The following KIF2A variants were observed in gnomAD, a reference collection of about 807,000 sequenced individuals.
The protein encoded by KIF2A is kinesin-like protein KIF2A.
KIF2A carries 22 observed loss-of-function variants against 100.2 expected under a neutral mutation model. The observed-to-expected ratio is 0.22, with a 90% confidence interval of 0.16 to 0.31. The LOEUF is 0.31. KIF2A is among the 10% of genes least tolerant of loss of function. KIF2A has a pLI of 1.00. For synonymous variants in KIF2A, 268 were observed against 285.9 expected, an observed-to-expected ratio of 0.94 and a Z score of 0.63; for missense variants, 495 against 898.7, an observed-to-expected ratio of 0.55 and a Z score of 5.74.
At chr5:62,359,022 G>T (rs1362538739) in intron 9 of KIF2A, among the ~76,000 whole-genome samples, 1 of 152,140 alleles carries the variant, frequency 6.6e-6, no homozygotes, top group Non-Finnish European at 1.5e-5. Flanking sequence ...TCTGTATTTA[G>T]TATGTATTGT....
chr5:62,337,513 TA>T (rs1237256343), intron 1 of KIF2A, among the ~76,000 whole-genome samples: 1 of 151,102 alleles, frequency 6.6e-6, no homozygotes, highest in Non-Finnish European at 1.5e-5. Flanking sequence ...AAGATTAGTA[TA>T]ACCATGATAC....
intron 2 of KIF2A, among the ~76,000 whole-genome samples, chr5:62,347,513 CTG>C (rs1439619653): frequency 3.9e-5 from 6 of 152,096 alleles, no homozygotes; most frequent in African/African-American, 1.2e-4. Flanking sequence ...CTATTGGTCA[CTG>C]TGTTGTTAGC....
At chr5:62,321,855 A>C (rs1195318283) in intron 1 of KIF2A, among the ~76,000 whole-genome samples, 1 of 151,990 alleles carries the variant, frequency 6.6e-6, no homozygotes, top group African/African-American at 2.4e-5. Flanking sequence ...CACCATGCCC[A>C]GCCATTTGTA....
Position 62,357,849 on chromosome 5 carries a change from C to T in KIF2A, c.709+104C>T, listed in dbSNP as rs555764772. On this transcript the variant is annotated intron_variant, in intron 8 of 20. Transcript: ENST00000407818. Reference sequence around the variant, plus strand: ...GGTTTGGAAAAAATGTAAATCATTTCCTTTGATTTGTATGTAACCATTATG... The same window carrying T: ...GGTTTGGAAAAAATGTAAATCATTTTCTTTGATTTGTATGTAACCATTATG... 60 of 778,338 alleles carry T rather than the reference C, an allele frequency of 7.7e-5. No homozygotes were observed. In the South Asian group the frequency reaches 9.2e-4, roughly 12 times the overall value. The allele number at this position is 778,338 out of a possible 1,614,324, so 48.2% of individuals were successfully genotyped here.
intron 18 of KIF2A, among the ~76,000 whole-genome samples, chr5:62,376,433 T>TG (rs199674070): frequency 1.3e-5 from 2 of 151,752 alleles, no homozygotes; most frequent in East Asian, 1.9e-4. Context: ...TTTGTTTGTT[T>TG]TTTTGAGGTG....
At position 62,308,352 on chromosome 5, in the gene KIF2A, T is replaced by C. The variant is rs775488799; in HGVS notation, c.64+1816T>C. On this transcript the variant is annotated intron_variant, in intron 1 of 20. Coordinates refer to ENST00000407818, the MANE Select transcript of KIF2A (RefSeq NM_001098511.3). ...TATACCAGCAAAAGTAGGATTTACATATTATTTTGAAGATTCTGGGTGCAC... is the reference window on the plus strand; with the variant it reads ...TATACCAGCAAAAGTAGGATTTACACATTATTTTGAAGATTCTGGGTGCAC... 269 of 1,466,070 alleles carry C rather than the reference T, an allele frequency of 1.8e-4. 1 individual carries two copies. The highest frequency in any genetic ancestry group is 3.1e-4 in the Admixed American group (14 of 45,296). The allele number at this position is 1,466,070 out of a possible 1,614,324, so 90.8% of individuals were successfully genotyped here. A position where few individuals can be genotyped will look rare whatever the true frequency, so the allele number is the denominator to read the frequency against.
chr5:62,373,625 G>T (rs1487156685), intron 17 of KIF2A, 62 bp from the exon 18 acceptor site: 1 of 1,192,078 alleles, frequency 8.4e-7, no homozygotes, highest in African/African-American at 1.5e-5. Context: ...TGAATAGGCT[G>T]GTATTTTCTC....
At chr5:62,328,485 C>T (rs1746484601) in intron 1 of KIF2A, among the ~76,000 whole-genome samples, 1 of 152,128 alleles carries the variant, frequency 6.6e-6, no homozygotes. Context: ...CAGGAAACTA[C>T]AGTGATTTAA....
intron 9 of KIF2A, among the ~76,000 whole-genome samples, 183 bp downstream of exon 9, chr5:62,358,482 C>T (rs1232610962): frequency 1.3e-5 from 2 of 152,074 alleles, no homozygotes; most frequent in East Asian, 3.8e-4. Context: ...CTGTAATGCT[C>T]CCCAAAATCA....
intron 16 of KIF2A, among the ~76,000 whole-genome samples, chr5:62,368,752 G>A (rs545847277): frequency 6.6e-6 from 1 of 151,502 alleles, no homozygotes; most frequent in Admixed American, 6.6e-5. Flanking sequence ...ACTCTAGCCT[G>A]GGCAACAGAG....
At chr5:62,309,225 T>C (rs1157415708) in intron 1 of KIF2A, among the ~76,000 whole-genome samples, 1 of 152,182 alleles carries the variant, frequency 6.6e-6, no homozygotes, top group African/African-American at 2.4e-5. Flanking sequence ...TACCAGAAGT[T>C]CCCAGACATA....
At chr5:62,341,065 A>C (rs560429563) in intron 1 of KIF2A, among the ~76,000 whole-genome samples, 1 of 152,266 alleles carries the variant, frequency 6.6e-6, no homozygotes, top group East Asian at 1.9e-4. Flanking sequence ...TTGTCTATTC[A>C]TTTCTTATTG....
chr5:62,372,467 A>T lies in KIF2A; in HGVS notation c.1676A>T (p.Asp559Val). ...AAGGAGTTTGGAATTAGTCCATCAGACATTCCCTTCTCACAGGGTAGTGGC... is the reference window on the plus strand; with the variant it reads ...AAGGAGTTTGGAATTAGTCCATCAGTCATTCCCTTCTCACAGGGTAGTGGC... ...RVKEFGISPS[D>V]IPFSQGSGSR... The change falls in exon 17 of 21, where the codon GAC becomes GTC. Residue 559 changes from aspartate to valine, a missense_variant. Physicochemically the swap from Asp to Val is radical, Grantham distance 152. This residue lies in a region of KIF2A where 100 missense variants were observed against 138.2 expected (regional missense o/e 0.72). Coordinates refer to ENST00000407818, the MANE Select transcript of KIF2A (RefSeq NM_001098511.3). 6.2e-7 allele frequency: 1 copy of T among 1,611,498 alleles called. No individual in the cohort carries two copies. The highest frequency in any genetic ancestry group is 8.5e-7 in the Non-Finnish European group (1 of 1,177,982).
At chr5:62,379,949 T>C (rs992951556) in intron 19 of KIF2A, among the ~76,000 whole-genome samples, 1 of 152,178 alleles carries the variant, frequency 6.6e-6, no homozygotes, top group Non-Finnish European at 1.5e-5. Context: ...TGGAGTGCAA[T>C]GGCGCGATCT....
At chr5:62,370,604 A>G (rs777076642) in intron 16 of KIF2A, among the ~76,000 whole-genome samples, 2 of 152,034 alleles carry the variant, frequency 1.3e-5, no homozygotes, top group Non-Finnish European at 2.9e-5. Flanking sequence ...CCAGACAATT[A>G]GAGATATTTT....
intron 1 of KIF2A, among the ~76,000 whole-genome samples, chr5:62,307,905 A>T (rs1484765079): frequency 6.6e-6 from 1 of 152,224 alleles, no homozygotes; most frequent in Non-Finnish European, 1.5e-5. Context: ...GGCGTGAGCC[A>T]TCGCGCCTGG....
chr5:62,388,140 T>C lies in KIF2A; in HGVS notation c.*2571T>C, dbSNP rs1742126455. 1 of 152,072 alleles carries C rather than the reference T, an allele frequency of 6.6e-6. No homozygotes were observed. The allele number at this position is 152,072 out of a possible 1,614,324, so 9.4% of individuals were successfully genotyped here. ...AGCTTAAAACTAAGCACCAGGTATA[T>C]GAAAAAGGAACTGGAAATTTTAATT... On this transcript the variant is annotated 3_prime_UTR_variant, in exon 21 of 21. Transcript: ENST00000407818.
At chr5:62,331,769 A>AG (rs1746665795) in intron 1 of KIF2A, among the ~76,000 whole-genome samples, 1 of 151,642 alleles carries the variant, frequency 6.6e-6, no homozygotes, top group African/African-American at 2.4e-5. Context: ...AACGAAAAAA[A>AG]AAAAAACAAC....
chr5:62,379,267 C>T (rs200649904), intron 19 of KIF2A, among the ~76,000 whole-genome samples: 35 of 152,264 alleles, frequency 2.3e-4, no homozygotes, highest in East Asian at 1.4e-3. Context: ...ATTCTTTTTA[C>T]AATTCTCTAT....
Sources: allele counts gnomAD v4.1 joint callset (sites outside exome capture counted in the v4.1 genomes callset), GRCh38; gene constraint gnomAD v4.1.1; regional missense constraint gnomAD v4.1.1; transcripts MANE v1.5; gene names NCBI Gene and HGNC (gene_info 2026-07-23, HGNC 2026-07-21).